Variants in MAGI2 observed in about 807,000 individuals in gnomAD.
MAGI2 encodes the protein membrane associated guanylate kinase, WW and PDZ domain containing 2.
A neutral mutation model predicts 133.3 loss-of-function variants in MAGI2; 35 were observed. The observed-to-expected ratio is 0.26, with a 90% CI of 0.20 to 0.35. The LOEUF is 0.35. Among genes scored for constraint, MAGI2 ranks in the 10% least tolerant of loss-of-function variants. The pLI is 1.00. For synonymous variants in MAGI2, 729 were observed against 710.6 expected (o/e 1.03, Z -0.41); for missense variants, 1,636 against 1,863.4 (o/e 0.88, Z 2.25).
chr7:78,088,192 A>G (rs565573743), intron 20 of MAGI2, among the ~76,000 whole-genome samples: 1 of 152,236 alleles, frequency 6.6e-6, no homozygotes, highest in Admixed American at 6.5e-5. Context: ...TACTTATCTA[A>G]TCAGATACAT....
chr7:78,216,246 C>T (rs1788258830), intron 10 of MAGI2, among the ~76,000 whole-genome samples: 1 of 152,184 alleles, frequency 6.6e-6, no homozygotes, highest in South Asian at 2.1e-4. Flanking sequence ...TCTAAATAGT[C>T]CTCAATTCTC....
intron 1 of MAGI2, among the ~76,000 whole-genome samples, chr7:79,016,794 C>G (rs1349636899): frequency 6.6e-6 from 1 of 152,210 alleles, no homozygotes; most frequent in African/African-American, 2.4e-5. Flanking sequence ...CACCCCACCC[C>G]TATGCCAATA....
Position 78,328,875 on chromosome 7 carries a change from C to T in MAGI2, c.1408+14903G>A, listed in dbSNP as rs147898441. 2.9e-3 allele frequency among the ~76,000 whole-genome samples: 435 copies of T among 151,910 alleles called. 1 individual carries two copies. Among genetic ancestry groups the T allele is most frequent in the African/African-American group, 9.8e-3 (406 of 41,432 alleles). ...AGTAAGAGGAGTGAAAATATTAGGA[C>T]GTAATACTTTAAAACAAAGAGAGCA... On this transcript the variant is annotated intron_variant, in intron 9 of 21. Coordinates refer to ENST00000354212, the MANE Select transcript of MAGI2 (RefSeq NM_012301.4).
At chr7:78,289,879 T>A (rs945728624) in intron 9 of MAGI2, among the ~76,000 whole-genome samples, 1 of 152,024 alleles carries the variant, frequency 6.6e-6, no homozygotes, top group Non-Finnish European at 1.5e-5. Flanking sequence ...AGAAATAAGA[T>A]CCTTTACAGA....
chr7:78,482,208 C>T (rs1792468677), intron 6 of MAGI2, among the ~76,000 whole-genome samples: 1 of 151,930 alleles, frequency 6.6e-6, no homozygotes, highest in Non-Finnish European at 1.5e-5. Flanking sequence ...TATCTCTACA[C>T]ACCTGTCAGA....
At chr7:78,733,887 A>G (rs1821598816) in intron 2 of MAGI2, among the ~76,000 whole-genome samples, 1 of 152,232 alleles carries the variant, frequency 6.6e-6, no homozygotes, top group Non-Finnish European at 1.5e-5. Flanking sequence ...ATTTAATACA[A>G]TGCCCCAACT....
At chr7:78,078,891 G>A in intron 21 of MAGI2, 56 bp downstream of exon 21, 1 of 1,592,062 alleles carries the variant, frequency 6.3e-7, no homozygotes, top group Non-Finnish European at 8.6e-7. Context: ...ATAACCATAA[G>A]CATTTATGGT....
At chr7:78,328,254 G>A (rs574334273) in intron 9 of MAGI2, among the ~76,000 whole-genome samples, 5 of 151,894 alleles carry the variant, frequency 3.3e-5, no homozygotes, top group Admixed American at 6.6e-5. Flanking sequence ...AAGGACTTAC[G>A]CCTTGATGAA....
intron 2 of MAGI2, among the ~76,000 whole-genome samples, chr7:78,714,600 C>A (rs1255242016): frequency 2.0e-5 from 3 of 152,152 alleles, no homozygotes; most frequent in African/African-American, 7.2e-5. Context: ...TGAGCATCTT[C>A]ATTTCCTGTG....
intron 3 of MAGI2, among the ~76,000 whole-genome samples, chr7:78,577,038 T>C (rs566891879): frequency 6.6e-6 from 1 of 152,294 alleles, no homozygotes; most frequent in African/African-American, 2.4e-5. Context: ...GTTATAGGGG[T>C]GTCAGCCATG....
chr7:78,640,772 C>T (rs984313732), intron 2 of MAGI2, among the ~76,000 whole-genome samples: 6 of 152,206 alleles, frequency 3.9e-5, no homozygotes, highest in African/African-American at 1.4e-4. Context: ...AAAGAAGGGG[C>T]AGAGCATCCT....
intron 2 of MAGI2, among the ~76,000 whole-genome samples, chr7:78,876,564 C>A (rs1795444236): frequency 6.6e-6 from 1 of 151,712 alleles, no homozygotes; most frequent in Admixed American, 6.6e-5. Flanking sequence ...TATATTGTAA[C>A]CACCAAAAGG....
At chr7:78,946,906 T>A (rs918936023) in intron 2 of MAGI2, 3 of 152,156 alleles carry the variant, frequency 2.0e-5, no homozygotes, top group Non-Finnish European at 4.4e-5. Context: ...TAAAAATCCA[T>A]CTAGGTGAAA....
intron 1 of MAGI2, among the ~76,000 whole-genome samples, chr7:79,161,328 C>A (rs892145269): frequency 2.0e-5 from 3 of 151,926 alleles, no homozygotes; most frequent in Admixed American, 6.6e-5. Flanking sequence ...GAGTGCTAGT[C>A]GGGACAAATC....
chr7:78,607,055 G>T (rs12669908), intron 3 of MAGI2, among the ~76,000 whole-genome samples: 1 of 152,032 alleles, frequency 6.6e-6, no homozygotes, highest in African/African-American at 2.4e-5. Context: ...CTTTTTAAAC[G>T]TAACTGTTAC....
intron 3 of MAGI2, among the ~76,000 whole-genome samples, chr7:78,538,811 T>C (rs1798173815): frequency 1.3e-5 from 2 of 152,200 alleles, no homozygotes; most frequent in Admixed American, 6.5e-5. Flanking sequence ...GACTTGCTCT[T>C]TGCTGATTTG....
chr7:78,530,918 T>A (rs1269024765), intron 3 of MAGI2, among the ~76,000 whole-genome samples: 1 of 152,142 alleles, frequency 6.6e-6, no homozygotes, highest in Non-Finnish European at 1.5e-5. Context: ...AGGTTAATCT[T>A]AAAATTTGGG....
chr7:78,858,686 T>C lies in MAGI2; in HGVS notation c.418+148404A>G, dbSNP rs187907254. On this transcript the variant is annotated intron_variant, in intron 2 of 21. Coordinates refer to ENST00000354212, the MANE Select transcript of MAGI2 (RefSeq NM_012301.4). The stretch of plus-strand genomic sequence containing the variant: ...TTTACTTCCAACTATGTGGTCAATT[T>C]TGGAATAAGTGTTATGTGGTACTAA... 6.6e-5 allele frequency among the ~76,000 whole-genome samples: 10 copies of C among 152,336 alleles called. No homozygotes were observed. The East Asian group carries it at 1.5e-3, about 24-fold the overall frequency.
At chr7:78,264,936 A>G (rs561513900) in intron 9 of MAGI2, among the ~76,000 whole-genome samples, 1 of 152,174 alleles carries the variant, frequency 6.6e-6, no homozygotes, top group Non-Finnish European at 1.5e-5. Context: ...AAAAGTAGCC[A>G]GTGACTCCAA....
Sources: allele counts gnomAD v4.1 joint callset (sites outside exome capture counted in the v4.1 genomes callset), GRCh38; gene constraint gnomAD v4.1.1; transcripts MANE v1.5; gene names NCBI Gene and HGNC (gene_info 2026-07-23, HGNC 2026-07-21).